EYS: variants seen among roughly 807,000 people sequenced by gnomAD.
EYS encodes the protein EGF-like photoreceptor maintenance factor, also known as protein eyes shut homolog.
In EYS, 250 loss-of-function variants were observed where a neutral mutation model predicts 282.1. The observed-to-expected ratio is 0.89, with a 90% CI of 0.80 to 0.98. The LOEUF is 0.98. Ranked by LOEUF, EYS falls within the 50% of genes least tolerant of loss-of-function variation. The probability of loss-of-function intolerance (pLI) is 0.00; values close to 1 mark genes in which losing one functional copy is unlikely to be tolerated. For missense variants in EYS, 4,016 were observed against 3,709.0 expected (o/e 1.08, Z -2.15); for synonymous variants, 1,355 against 1,282.9 (o/e 1.06, Z -1.20).
At chr6:65,489,749 G>C (rs1480551796) in intron 5 of EYS, 1 of 152,110 alleles carries the variant, frequency 6.6e-6, no homozygotes, top group African/African-American at 2.4e-5. Context: ...TGATAGACTG[G>C]ATAAAGAAAA....
chr6:64,563,485 G>T (rs922758791), intron 26 of EYS, among the ~76,000 whole-genome samples: 2 of 151,900 alleles, frequency 1.3e-5, no homozygotes, highest in African/African-American at 4.8e-5. Context: ...AATTTAAAGG[G>T]ATTCTCACAA....
At chr6:64,925,646 G>C (rs11758648) in intron 15 of EYS, among the ~76,000 whole-genome samples, 4,967 of 152,226 alleles carry the variant, frequency 0.033, 141 homozygotes, top group East Asian at 0.13. Context: ...GAGCCAGATG[G>C]CATGGTCACT....
chr6:64,958,111 T>C (rs1339081136), intron 14 of EYS, among the ~76,000 whole-genome samples: 1 of 151,986 alleles, frequency 6.6e-6, no homozygotes, highest in African/African-American at 2.4e-5. Context: ...ATATCACACA[T>C]AAAATATATT....
chr6:63,822,937 AATTTTCTT>A (rs1368643562), intron 36 of EYS, among the ~76,000 whole-genome samples: 1 of 152,094 alleles, frequency 6.6e-6, no homozygotes, highest in African/African-American at 2.4e-5. Context: ...TCTGTTTTCT[AATTTTCTT>A]ATAAACAATA....
At chr6:65,701,875 A>T (rs959025454) in intron 1 of EYS, among the ~76,000 whole-genome samples, 4 of 152,190 alleles carry the variant, frequency 2.6e-5, no homozygotes, top group African/African-American at 9.7e-5. Flanking sequence ...CAGTTTAGAA[A>T]TATTTCATAA....
chr6:64,531,487 C>A lies in EYS; in HGVS notation c.5644+58736G>T, dbSNP rs147100508. 3.6e-3 allele frequency among the ~76,000 whole-genome samples: 551 copies of A among 150,972 alleles called. 5 individuals carry two copies. The highest frequency in any genetic ancestry group is 0.013 in the African/African-American group (518 of 41,390). Reference sequence around the variant, plus strand: ...CTGCAAGCTCCGCCTCCCGGATTCACGCCATTCTCCTGCCTCAGCCTCCCG... The same window carrying A: ...CTGCAAGCTCCGCCTCCCGGATTCAAGCCATTCTCCTGCCTCAGCCTCCCG... On this transcript the variant is annotated intron_variant, in intron 26 of 42. Transcript: ENST00000503581.
intron 29 of EYS, among the ~76,000 whole-genome samples, chr6:64,338,932 T>C (rs1187804836): frequency 6.6e-6 from 1 of 151,158 alleles, no homozygotes; most frequent in Non-Finnish European, 1.5e-5. Context: ...GCTAGCCACA[T>C]ATAGGAGAAT....
At chr6:65,591,482 C>A (rs540476540) in intron 2 of EYS, among the ~76,000 whole-genome samples, 1 of 151,968 alleles carries the variant, frequency 6.6e-6, no homozygotes, top group East Asian at 1.9e-4. Flanking sequence ...TAAAAGAAAA[C>A]AACCCATTTC....
At chr6:65,221,258 A>G (rs1766456390) in intron 12 of EYS, among the ~76,000 whole-genome samples, 2 of 146,006 alleles carry the variant, frequency 1.4e-5, no homozygotes, top group African/African-American at 5.6e-5. Context: ...GACAATGGGG[A>G]AAATGCCTTC....
intron 29 of EYS, among the ~76,000 whole-genome samples, chr6:64,364,625 A>C (rs1165739590): frequency 6.6e-6 from 1 of 151,962 alleles, no homozygotes; most frequent in East Asian, 1.9e-4. Flanking sequence ...ATTATTAGAA[A>C]AATCAATCTA....
At chr6:64,942,827 CAAAAA>C (rs34826658) in intron 15 of EYS, among the ~76,000 whole-genome samples, 22 of 94,332 alleles carry the variant, frequency 2.3e-4, no homozygotes, top group African/African-American at 7.1e-4. Context: ...GTAACTCTTC[CAAAAA>C]AAAAAAAAAA....
At chr6:64,291,046 G>A (rs905666599) in intron 30 of EYS, among the ~76,000 whole-genome samples, 5 of 24,868 alleles carry the variant, frequency 2.0e-4, no homozygotes, top group South Asian at 2.4e-3. Context: ...TTTATATTAC[G>A]GAGCGGGTAT....
intron 35 of EYS, among the ~76,000 whole-genome samples, chr6:63,876,816 G>A (rs1171921350): frequency 6.6e-6 from 1 of 151,602 alleles, no homozygotes; most frequent in Non-Finnish European, 1.5e-5. Context: ...TTTTCCATTT[G>A]CTTGGTAGAT....
intron 35 of EYS, among the ~76,000 whole-genome samples, chr6:63,945,236 C>T (rs947822038): frequency 1.3e-5 from 2 of 152,102 alleles, no homozygotes; most frequent in African/African-American, 4.8e-5. Flanking sequence ...ACACATCCTT[C>T]TCCACATGGC....
intron 40 of EYS, among the ~76,000 whole-genome samples, chr6:63,773,121 G>A (rs1480255846): frequency 6.6e-6 from 1 of 152,030 alleles, no homozygotes; most frequent in Non-Finnish European, 1.5e-5. Context: ...GAACATTTGA[G>A]CAGTTTCCAG....
At chr6:63,917,278 T>G (rs145827588) in intron 35 of EYS, among the ~76,000 whole-genome samples, 1 of 152,226 alleles carries the variant, frequency 6.6e-6, no homozygotes, top group Non-Finnish European at 1.5e-5. Flanking sequence ...TACTGGTTGA[T>G]AGAAGTAGCT....
At position 65,024,862 on chromosome 6, in the gene EYS, C is replaced by T. The variant is rs145879580; in HGVS notation, c.2138-27159G>A. Among the ~76,000 whole-genome samples, 764 of 152,264 alleles carry T rather than the reference C, an allele frequency of 5.0e-3. 10 individuals are homozygous for T. The highest frequency in any genetic ancestry group is 0.016 in the African/African-American group (681 of 41,560). On this transcript the variant is annotated intron_variant, in intron 13 of 42. Coordinates refer to ENST00000503581, the MANE Select transcript of EYS (RefSeq NM_001142800.2). Reference sequence around the variant, plus strand: ...GGTCAGCTATACCTCTAAGCTTTCACTGAGGACTATCATCAGTCAAATGAT... The same window carrying T: ...GGTCAGCTATACCTCTAAGCTTTCATTGAGGACTATCATCAGTCAAATGAT...
At chr6:64,538,626 T>C (rs1764601655) in intron 26 of EYS, among the ~76,000 whole-genome samples, 1 of 152,200 alleles carries the variant, frequency 6.6e-6, no homozygotes, top group Admixed American at 6.5e-5. Flanking sequence ...CCAGTGGTGA[T>C]AGTGTTTTCC....
chr6:64,270,861 T>G (rs924590389), intron 30 of EYS, among the ~76,000 whole-genome samples: 1 of 152,162 alleles, frequency 6.6e-6, no homozygotes, highest in Non-Finnish European at 1.5e-5. Flanking sequence ...GATCCCCAAC[T>G]GAAACAGCAT....
Sources: allele counts gnomAD v4.1 joint callset (sites outside exome capture counted in the v4.1 genomes callset), GRCh38; gene constraint gnomAD v4.1.1; transcripts MANE v1.5; gene names NCBI Gene and HGNC (gene_info 2026-07-23, HGNC 2026-07-21).